Variants in ANKS1B observed in about 807,000 individuals in gnomAD.
ANKS1B encodes ankyrin repeat and sterile alpha motif domain-containing protein 1B.
In ANKS1B, 36 loss-of-function variants were observed where a neutral mutation model predicts 148.3. That is an observed-to-expected ratio of 0.24 (90% confidence interval 0.19 to 0.32). The LOEUF (loss-of-function observed/expected upper bound fraction) is 0.32, where lower values mean the gene tolerates loss of function less well. Ranked by LOEUF, ANKS1B falls within the 10% of genes least tolerant of loss-of-function variation. The probability of loss-of-function intolerance (pLI) is 1.00; values close to 1 mark genes in which losing one functional copy is unlikely to be tolerated. For synonymous variants in ANKS1B, 542 were observed against 560.8 expected, an observed-to-expected ratio of 0.97 and a Z score of 0.47; for missense variants, 1,157 against 1,542.6, an observed-to-expected ratio of 0.75 and a Z score of 4.19.
At chr12:99,613,839 T>C (rs1005187616) in intron 9 of ANKS1B, among the ~76,000 whole-genome samples, 1 of 151,912 alleles carries the variant, frequency 6.6e-6, no homozygotes, top group Non-Finnish European at 1.5e-5. Context: ...GCACATCCTG[T>C]ACATGCACCC....
intron 9 of ANKS1B, among the ~76,000 whole-genome samples, chr12:99,628,584 T>C (rs989236088): frequency 2.6e-5 from 4 of 152,336 alleles, no homozygotes; most frequent in Non-Finnish European, 1.5e-5. Context: ...AATAGACCCT[T>C]ATTGCCTTAA....
In ANKS1B at chr12:99,741,206, A is replaced by AACACACACACACACAC. The variant is rs774613671; in HGVS notation, c.1128+31700_1128+31715dup. ...CTGGCAACAGAGCTAGGCTCCGTCAAACACACACACACACACACACACACA... is the reference window on the plus strand; with the variant it reads ...CTGGCAACAGAGCTAGGCTCCGTCAAACACACACACACACACACACACACACACACACACACACACA... On this transcript the variant is annotated intron_variant, in intron 8 of 26. Coordinates refer to ENST00000683438, the MANE Select transcript of ANKS1B (RefSeq NM_001352186.2). Among the ~76,000 whole-genome samples, 860 of 135,370 alleles carry AACACACACACACACAC rather than the reference A, an allele frequency of 6.4e-3. 13 individuals carry two copies. Among genetic ancestry groups the AACACACACACACACAC allele is most frequent in the African/African-American group, 9.4e-3 (333 of 35,258 alleles). 88.8% of individuals were successfully genotyped at this position (135,370 alleles called of 152,430 possible).
At chr12:99,550,184 C>T (rs1291681402) in intron 9 of ANKS1B, among the ~76,000 whole-genome samples, 1 of 152,172 alleles carries the variant, frequency 6.6e-6, no homozygotes, top group Non-Finnish European at 1.5e-5. Flanking sequence ...TCCAGTGTAA[C>T]ATTTCTCTCA....
At chr12:99,441,777 C>T (rs2095554154) in intron 11 of ANKS1B, among the ~76,000 whole-genome samples, 2 of 151,766 alleles carry the variant, frequency 1.3e-5, no homozygotes, top group South Asian at 4.2e-4. Context: ...GAAATTGGGT[C>T]AAGATGGAAT....
At chr12:98,763,498 C>T (rs1364588260) in intron 25 of ANKS1B, among the ~76,000 whole-genome samples, 2 of 152,152 alleles carry the variant, frequency 1.3e-5, no homozygotes, top group African/African-American at 4.8e-5. Context: ...ACTAAAAGAG[C>T]CACGAGATTC....
chr12:99,557,178 G>A (rs1395639187), intron 9 of ANKS1B, among the ~76,000 whole-genome samples: 1 of 152,108 alleles, frequency 6.6e-6, no homozygotes, highest in Non-Finnish European at 1.5e-5. Flanking sequence ...GTATCTCACA[G>A]GGTTTCTCTG....
chr12:99,632,727 C>CTATATATATATATATATATATATA (rs3081654), intron 9 of ANKS1B, among the ~76,000 whole-genome samples: 6 of 39,044 alleles, frequency 1.5e-4, no homozygotes, highest in East Asian at 1.0e-3. Flanking sequence ...CCTTTTCTTT[C>CTATATATATATATATATATATATA]TATATATATA....
intron 12 of ANKS1B, among the ~76,000 whole-genome samples, chr12:99,283,687 G>A (rs530618124): frequency 2.6e-5 from 4 of 152,182 alleles, no homozygotes; most frequent in Non-Finnish European, 5.9e-5. Context: ...AAAACCTATT[G>A]TTGTAGCTAG....
In ANKS1B at chr12:98,744,896, G is replaced by A; in HGVS notation, c.*843C>T. On this transcript the variant is annotated 3_prime_UTR_variant, in exon 27 of 27. Coordinates refer to ENST00000683438, the MANE Select transcript of ANKS1B (RefSeq NM_001352186.2). ...AGCACTTCCGGGCCTCCTGCTCTAG[G>A]GAGCATCACCAGTATTTTGCCACCA... is the stretch of plus-strand genomic sequence containing the variant. The A allele has an allele frequency of 1.0e-6, 1 of 985,550 alleles. No homozygotes were observed. 61.1% of individuals were successfully genotyped at this position (985,550 alleles called of 1,614,324 possible).
chr12:98,813,269 T>A (rs1234355125), intron 19 of ANKS1B, among the ~76,000 whole-genome samples: 1 of 151,458 alleles, frequency 6.6e-6, no homozygotes, highest in Non-Finnish European at 1.5e-5. Flanking sequence ...TGGAGTGCAG[T>A]GGTGCAACCA....
chr12:99,596,683 T>C (rs2097761249), intron 9 of ANKS1B, among the ~76,000 whole-genome samples: 1 of 152,002 alleles, frequency 6.6e-6, no homozygotes, highest in Non-Finnish European at 1.5e-5. Flanking sequence ...ACAAGTTGTT[T>C]TCTCAAAATT....
chr12:99,607,977 CAAAAAGTACAT>C (rs1478477697), intron 9 of ANKS1B, among the ~76,000 whole-genome samples: 1 of 151,772 alleles, frequency 6.6e-6, no homozygotes, highest in East Asian at 1.9e-4. Context: ...ATGAGTGGTA[CAAAAAGTACAT>C]AAATGAGCCT....
intron 8 of ANKS1B, among the ~76,000 whole-genome samples, chr12:99,730,014 A>G (rs961204104): frequency 6.6e-6 from 1 of 152,208 alleles, no homozygotes; most frequent in Admixed American, 6.5e-5. Context: ...TTGTGCATGT[A>G]TGCTCACATA....
intron 1 of ANKS1B, among the ~76,000 whole-genome samples, chr12:99,959,025 A>G (rs1012326059): frequency 6.6e-6 from 1 of 151,358 alleles, no homozygotes; most frequent in African/African-American, 2.4e-5. Context: ...GATTTTGGAG[A>G]ATAATAATTT....
intron 12 of ANKS1B, among the ~76,000 whole-genome samples, chr12:99,372,542 A>C (rs1024864034): frequency 2.0e-5 from 3 of 152,124 alleles, no homozygotes; most frequent in African/African-American, 7.2e-5. Context: ...TTCTTTGTAA[A>C]TGATATTTTA....
At chr12:99,408,369 A>G (rs1317318598) in intron 11 of ANKS1B, among the ~76,000 whole-genome samples, 1 of 146,024 alleles carries the variant, frequency 6.8e-6, no homozygotes. Context: ...AAATAATTAA[A>G]TCTAAGACCT....
At position 99,495,342 on chromosome 12, in the gene ANKS1B, AGTGTGTGTGTGT is replaced by A. The variant is rs56107230; in HGVS notation, c.1438+9122_1438+9133del. ...ACAAAATTGATTTCAGGGGAGAAAA[AGTGTGTGTGTGT>A]GTGTGTGTGTGTGTGTGTGTGTGTG... On this transcript the variant is annotated intron_variant, in intron 10 of 26. Coordinates refer to ENST00000683438, the MANE Select transcript of ANKS1B (RefSeq NM_001352186.2). Among the ~76,000 whole-genome samples the A allele has an allele frequency of 4.3e-3, 624 of 145,390 alleles. 7 individuals are homozygous for A. The highest frequency in any genetic ancestry group is 0.012 in the East Asian group (57 of 4,928).
At chr12:98,790,685 C>T (rs1181342919) in intron 22 of ANKS1B, among the ~76,000 whole-genome samples, 3 of 151,678 alleles carry the variant, frequency 2.0e-5, no homozygotes, top group Non-Finnish European at 4.4e-5. Context: ...CAAAGCAAAG[C>T]ACTGGCAAAA....
At chr12:99,678,362 G>A (rs531232304) in intron 8 of ANKS1B, among the ~76,000 whole-genome samples, 61 of 152,216 alleles carry the variant, frequency 4.0e-4, no homozygotes, top group African/African-American at 1.3e-3. Flanking sequence ...GTGTACTCTT[G>A]GAGGCTAGAA....
Sources: allele counts gnomAD v4.1 joint callset (sites outside exome capture counted in the v4.1 genomes callset), GRCh38; gene constraint gnomAD v4.1.1; transcripts MANE v1.5; gene names NCBI Gene and HGNC (gene_info 2026-07-23, HGNC 2026-07-21).